Variants in TERT observed in about 807,000 individuals in gnomAD.
TERT encodes telomerase catalytic subunit.
In TERT, 42 loss-of-function variants were observed where a neutral mutation model predicts 104.0. The observed-to-expected ratio is 0.40, with a 90% CI of 0.32 to 0.52. The LOEUF (loss-of-function observed/expected upper bound fraction) is 0.52, where lower values mean the gene tolerates loss of function less well. Ranked by LOEUF, TERT falls within the 20% of genes least tolerant of loss-of-function variation. TERT has a pLI of 0.43. For synonymous variants in TERT, 781 were observed against 725.6 expected, an observed-to-expected ratio of 1.08 and a Z score of -1.23; for missense variants, 1,101 against 1,610.3, an observed-to-expected ratio of 0.68 and a Z score of 5.41.
chr5:1,277,674 G>T (rs1345474794), intron 6 of TERT, among the ~76,000 whole-genome samples: 3 of 150,152 alleles, frequency 2.0e-5, no homozygotes, highest in South Asian at 2.1e-4. Context: ...GGACGGGGGG[G>T]TCTCCTGGGC....
intron 8 of TERT, 101 bp downstream of exon 8, chr5:1,271,018 G>A: frequency 2.1e-6 from 2 of 953,902 alleles, no homozygotes; most frequent in Non-Finnish European, 3.3e-6. Context: ...GGTGGCCCCG[G>A]GCAGAAGGGC....
Position 1,293,968 on chromosome 5 carries a change from G to T in TERT, c.918C>A (p.Gly306=), listed in dbSNP as rs919921930. 22 of 1,556,848 alleles carry T rather than the reference G, an allele frequency of 1.4e-5. No homozygotes were observed. Among genetic ancestry groups the T allele is most frequent in the Non-Finnish European group, 1.9e-5 (22 of 1,154,250 alleles). Residue 306 remains glycine, a synonymous_variant, in exon 2 of 16, where the codon GGC becomes GGA. Coordinates refer to ENST00000310581, the MANE Select transcript of TERT (RefSeq NM_198253.3). ...HPSVGRQHHA[G]PPSTSRPPRP... ...GTGGTGGCCGCGATGTGGATGGGGG[G>T]CCCGCGTGGTGCTGGCGGCCCACGG...
chr5:1,294,321 G>A lies in TERT; in HGVS notation c.565C>T (p.His189Tyr). ...AGACGCCTTCGGGGTCCACTAGCGT[G>A]TGGCGGGGGCCGGGCCTGAGTGGCA... is the stretch of plus-strand genomic sequence containing the variant. ...GAATQARPPP[H>Y]ASGPRRRLGC... Residue 189 changes from histidine to tyrosine, a missense_variant, in exon 2 of 16, where the codon CAC (histidine) becomes TAC (tyrosine). By Grantham distance (83) the His-to-Tyr change is moderately conservative (BLOSUM62 2). Coordinates refer to ENST00000310581, the MANE Select transcript of TERT (RefSeq NM_198253.3). 1 of 1,587,444 alleles carries A rather than the reference G, an allele frequency of 6.3e-7. No homozygotes were observed. The highest frequency in any genetic ancestry group is 8.5e-7 in the Non-Finnish European group (1 of 1,173,692).
intron 6 of TERT, among the ~76,000 whole-genome samples, chr5:1,275,427 G>A (rs529767045): frequency 2.6e-5 from 4 of 151,118 alleles, no homozygotes; most frequent in South Asian, 2.1e-4. Flanking sequence ...CCTCCAACTC[G>A]CAGGGGAATT....
At chr5:1,272,586 T>TGTG (rs1561198016) in intron 6 of TERT, among the ~76,000 whole-genome samples, 1 of 16,548 alleles carries the variant, frequency 6.0e-5, no homozygotes, top group Admixed American at 5.8e-4. Context: ...CATCAGACCC[T>TGTG]ACGACCGCCA....
intron 6 of TERT, among the ~76,000 whole-genome samples, chr5:1,275,704 C>A (rs1363990135): frequency 6.6e-6 from 1 of 152,094 alleles, no homozygotes; most frequent in African/African-American, 2.4e-5. Context: ...CTCTGTGTTA[C>A]CCCACTCATA....
At position 1,278,657 on chromosome 5, in the gene TERT, T is replaced by C. The variant is rs1187645843; in HGVS notation, c.2270A>G (p.Lys757Arg). Residue 757 changes from lysine to arginine, a missense_variant, in exon 6 of 16, where the codon AAG becomes AGG. By Grantham distance (26) the Lys-to-Arg change is conservative. Around this residue, in one of 5 missense-constraint regions of TERT, gnomAD observed 463 missense variants for 797.5 expected, o/e 0.58. Transcript: ENST00000310581. Reference sequence around the variant, plus strand: ...GAACCTTACGTGGCTCTTGAAGGCCTTGCGGACGTGCCCATGGGCGGCCTT... The same window carrying C: ...GAACCTTACGTGGCTCTTGAAGGCCCTGCGGACGTGCCCATGGGCGGCCTT... ...VQKAAHGHVRKAFKSHVSTLT... is the reference protein window; with the variant it reads ...VQKAAHGHVRRAFKSHVSTLT... 1.2e-6 allele frequency: 2 copies of C among 1,614,146 alleles called. No individual in the cohort carries two copies. The highest frequency in any genetic ancestry group is 1.7e-5 in the Admixed American group (1 of 60,032).
rs969437518 is a variant in TERT, at chr5:1,269,750, G to A, written c.2469-1117C>T. On this transcript the variant is annotated intron_variant, in intron 8 of 15. Coordinates refer to ENST00000310581, the MANE Select transcript of TERT (RefSeq NM_198253.3). This position sits in a 1 kb window ranked among gnomAD's most constrained non-coding sequence, Gnocchi z 9.0. ...AGTCCGGCCAGCCCAGCGAGTCAAC[G>A]CAAGCAGATACGCCCCTGTGAGCAC... is the stretch of plus-strand genomic sequence containing the variant. Among the ~76,000 whole-genome samples the A allele has an allele frequency of 6.6e-5, 10 of 152,168 alleles. No individual in the cohort carries two copies. The highest frequency in any genetic ancestry group is 2.0e-4 in the Admixed American group (3 of 15,280).
At chr5:1,271,891 A>G (rs1275307487) in intron 7 of TERT, among the ~76,000 whole-genome samples, 1 of 152,222 alleles carries the variant, frequency 6.6e-6, no homozygotes, top group African/African-American at 2.4e-5. Flanking sequence ...TTTGGCCTCA[A>G]GATCAAAACT....
At position 1,261,419 on chromosome 5, in the gene TERT, A is replaced by G. The variant is rs529557771; in HGVS notation, c.2844-819T>C. Among the ~76,000 whole-genome samples, 1 of 152,330 alleles carries G rather than the reference A, an allele frequency of 6.6e-6. No homozygotes were observed. The highest frequency in any genetic ancestry group is 1.5e-5 in the Non-Finnish European group (1 of 68,026). On this transcript the variant is annotated intron_variant, in intron 11 of 15. Coordinates refer to ENST00000310581, the MANE Select transcript of TERT (RefSeq NM_198253.3). The surrounding 1 kb of genome is among the most constrained non-coding windows in gnomAD (Gnocchi z 7.4). ...CTGCCTGGAACACTGGAAATGGTAAATAAGACCCGTGATAATGTCTGGTCA... is the reference window on the plus strand; with the variant it reads ...CTGCCTGGAACACTGGAAATGGTAAGTAAGACCCGTGATAATGTCTGGTCA...
In TERT at chr5:1,264,545, C is replaced by T. The variant is rs772974254; in HGVS notation, c.2702G>A (p.Arg901Gln). The T allele has an allele frequency of 1.2e-5, 20 of 1,613,900 alleles. No homozygotes were observed. Among genetic ancestry groups the T allele is most frequent in the East Asian group, 4.5e-5 (2 of 44,906 alleles). The change falls in exon 11 of 16, where the codon CGG becomes CAG. Residue 901 changes from arginine to glutamine, a missense_variant. Arg to Gln is a conservative substitution (Grantham distance 43). Coordinates refer to ENST00000310581, the MANE Select transcript of TERT (RefSeq NM_198253.3). ...TACAGGGAAGTTCACCACTGTCTTC[C>T]GCAAGTTCACCACGCAGCCATACTC... ...VPEYGCVVNL[R>Q]KTVVNFPVED...
At position 1,263,794 on chromosome 5, in the gene TERT, G is replaced by T. The variant is rs538098465; in HGVS notation, c.2843+610C>A. Reference sequence around the variant, plus strand: ...TCAATTCATTTGTGTCTGAGCCTGAGACGGGGCCTTGAGCTCTCGGGCTCT... The same window carrying T: ...TCAATTCATTTGTGTCTGAGCCTGATACGGGGCCTTGAGCTCTCGGGCTCT... On this transcript the variant is annotated intron_variant, in intron 11 of 15. Transcript: ENST00000310581. This position sits in a 1 kb window ranked among gnomAD's most constrained non-coding sequence, Gnocchi z 5.3. Among the ~76,000 whole-genome samples the T allele has an allele frequency of 2.6e-5, 4 of 152,358 alleles. No individual in the cohort carries two copies. Among genetic ancestry groups the T allele is most frequent in the Admixed American group, 6.5e-5 (1 of 15,312 alleles).
chr5:1,275,347 C>A (rs1749478485), intron 6 of TERT, among the ~76,000 whole-genome samples: 2 of 149,026 alleles, frequency 1.3e-5, no homozygotes, highest in South Asian at 4.2e-4. Flanking sequence ...CCACTCCAGC[C>A]TGGGCAAAAA....
intron 6 of TERT, 71 bp from the exon 7 acceptor site, chr5:1,272,351 C>T: frequency 7.5e-7 from 1 of 1,325,844 alleles, no homozygotes. Context: ...CTTGTTTCTT[C>T]CGATCAGGAC....
rs1218268512 is a variant in TERT, at chr5:1,292,824, A to G, written c.1573+489T>C. 6.6e-6 allele frequency among the ~76,000 whole-genome samples: 1 copy of G among 152,154 alleles called. No homozygotes were observed. The highest frequency in any genetic ancestry group is 1.5e-5 in the Non-Finnish European group (1 of 68,022). On this transcript the variant is annotated intron_variant, in intron 2 of 15. Transcript: ENST00000310581. This position sits in a 1 kb window ranked among gnomAD's most constrained non-coding sequence, Gnocchi z 5.5. ...CACCGCACCTGGCCGTCAACACACA[A>G]TTAAATCTTAAACACAAACCTGCAT...
At chr5:1,254,137 G>A (rs777777903) in intron 15 of TERT, among the ~76,000 whole-genome samples, 26 of 152,302 alleles carry the variant, frequency 1.7e-4, no homozygotes, top group Non-Finnish European at 3.4e-4. Flanking sequence ...GGGAGCCATC[G>A]CCCCTGAGAT....
chr5:1,253,598 A>G lies in TERT; in HGVS notation c.*130T>C. 2.6e-6 allele frequency: 2 copies of G among 770,820 alleles called. No individual in the cohort carries two copies. The highest frequency in any genetic ancestry group is 2.1e-5 in the Admixed American group (1 of 48,150). The allele number at this position is 770,820 out of a possible 1,614,324, so 47.7% of individuals were successfully genotyped here. A position where few individuals can be genotyped will look rare whatever the true frequency, so the allele number is the denominator to read the frequency against. ...CCGGACATGCAGGCCTCGGCCAAAC[A>G]CTCACTCAGGCCTCAGACTCCCAGC... is the stretch of plus-strand genomic sequence containing the variant. On this transcript the variant is annotated 3_prime_UTR_variant, in exon 16 of 16. Transcript: ENST00000310581.
In TERT at chr5:1,257,724, G is replaced by A. The variant is rs908967922; in HGVS notation, c.3032+874C>T. On this transcript the variant is annotated intron_variant, in intron 13 of 15. Transcript: ENST00000310581. The surrounding 1 kb of genome is among the most constrained non-coding windows in gnomAD (Gnocchi z 5.6). ...ACCTTGTAATGGAAAACTCTCCCGT[G>A]AGCCCTTGCTGGGTTTCCACGATAG... Among the ~76,000 whole-genome samples, 3 of 152,220 alleles carry A rather than the reference G, an allele frequency of 2.0e-5. No homozygotes were observed. Among genetic ancestry groups the A allele is most frequent in the African/African-American group, 4.8e-5 (2 of 41,458 alleles).
Position 1,282,545 on chromosome 5 carries a change from C to A in TERT, c.1653G>T (p.Val551=), listed in dbSNP as rs1487526976. The A allele has an allele frequency of 6.2e-7, 1 of 1,614,040 alleles. No individual in the cohort carries two copies. Among genetic ancestry groups the A allele is most frequent in the African/African-American group, 1.3e-5 (1 of 74,938 alleles). ...LAKFLHWLMS[V]YVVELLRSFF... ...AAGACCTGAGCAGCTCGACGACGTACACACTCATCAGCCAGTGCAGGAACT... is the reference window on the plus strand; with the variant it reads ...AAGACCTGAGCAGCTCGACGACGTAAACACTCATCAGCCAGTGCAGGAACT... The change falls in exon 3 of 16, where the codon GTG becomes GTT. Residue 551 remains valine (V), a synonymous_variant. Transcript: ENST00000310581.
Sources: gnomAD v4.1 joint callset for allele counts (sites outside exome capture counted in the v4.1 genomes callset) on GRCh38, gnomAD v4.1.1 for gene constraint, gnomAD v4.1.1 regional missense constraint, Gnocchi (gnomAD v3.1) non-coding constraint, MANE v1.5 for transcripts, NCBI Gene and HGNC (gene_info 2026-07-23, HGNC 2026-07-21) for gene names.